Variants in CDHR3 observed in about 807,000 individuals in gnomAD.
The protein encoded by CDHR3 is cadherin-related family member 3.
In CDHR3, 79 loss-of-function variants were observed where a neutral mutation model predicts 86.6. The observed-to-expected ratio is 0.91, with a 90% confidence interval of 0.76 to 1.10. CDHR3 has a LOEUF of 1.10. Among genes scored for constraint, CDHR3 ranks in the 50% least tolerant of loss-of-function variants. The pLI, the probability that CDHR3 is intolerant of heterozygous loss-of-function variation, is 0.00. For synonymous variants in CDHR3, 421 were observed against 402.4 expected (o/e 1.05, Z -0.55); for missense variants, 1,081 against 1,077.6 (o/e 1.00, Z -0.04).
At chr7:106,019,024 T>G (rs985732597) in intron 12 of CDHR3, among the ~76,000 whole-genome samples, 1 of 152,140 alleles carries the variant, frequency 6.6e-6, no homozygotes, top group Non-Finnish European at 1.5e-5. Context: ...AAGGGCAACA[T>G]GATAGCCACA....
At chr7:106,001,697 G>A in intron 7 of CDHR3, 87 bp downstream of exon 7, 1 of 1,545,028 alleles carries the variant, frequency 6.5e-7, no homozygotes. Flanking sequence ...CGTTACCCAT[G>A]AGAATTGGTT....
intron 4 of CDHR3, among the ~76,000 whole-genome samples, chr7:105,988,594 T>C (rs1362543378): frequency 6.6e-6 from 1 of 152,238 alleles, no homozygotes; most frequent in African/African-American, 2.4e-5. Flanking sequence ...AAAGTGAAAC[T>C]GTATCACAGT....
chr7:106,028,182 G>T (rs73195672), intron 16 of CDHR3, among the ~76,000 whole-genome samples: 2,276 of 130,560 alleles, frequency 0.017, 64 homozygotes, highest in African/African-American at 0.057. Flanking sequence ...TAAAATAAAA[G>T]GGCTTGGGAA....
chr7:106,010,575 A>G (rs1454155590), intron 8 of CDHR3, among the ~76,000 whole-genome samples: 3 of 152,230 alleles, frequency 2.0e-5, no homozygotes, highest in African/African-American at 7.2e-5. Flanking sequence ...TGTTATCCTC[A>G]GTGGCCCATG....
At chr7:105,989,375 G>C (rs374064773) in intron 4 of CDHR3, among the ~76,000 whole-genome samples, 8 of 151,758 alleles carry the variant, frequency 5.3e-5, no homozygotes, top group African/African-American at 1.9e-4. Context: ...CAATCTCTCA[G>C]CTGGAGGCAA....
At chr7:105,964,446 C>G (rs543479286) in intron 1 of CDHR3, among the ~76,000 whole-genome samples, 3 of 152,066 alleles carry the variant, frequency 2.0e-5, no homozygotes, top group South Asian at 4.2e-4. Context: ...ATGTCTATAG[C>G]TCCTATTTTT....
chr7:105,979,573 C>T (rs990264149), intron 2 of CDHR3, among the ~76,000 whole-genome samples: 3 of 152,174 alleles, frequency 2.0e-5, no homozygotes, highest in Admixed American at 2.0e-4. Context: ...CTTGACCTAG[C>T]TTTTTAATAC....
intron 4 of CDHR3, among the ~76,000 whole-genome samples, chr7:105,987,364 C>G (rs1455227607): frequency 6.6e-6 from 1 of 152,148 alleles, no homozygotes; most frequent in Non-Finnish European, 1.5e-5. Flanking sequence ...TACAGAAAGT[C>G]AACAGCCAGC....
intron 1 of CDHR3, among the ~76,000 whole-genome samples, chr7:105,968,659 C>T (rs1019770937): frequency 2.6e-5 from 4 of 152,006 alleles, no homozygotes; most frequent in East Asian, 1.9e-4. Flanking sequence ...TGTGCCTGGC[C>T]GAGCATATGC....
chr7:105,967,255 T>C (rs1585462825), intron 1 of CDHR3, among the ~76,000 whole-genome samples: 1 of 152,340 alleles, frequency 6.6e-6, no homozygotes, highest in East Asian at 1.9e-4. Flanking sequence ...GGTTTCCAGC[T>C]TCATCCATGT....
At chr7:105,970,785 C>T (rs1314143866) in intron 1 of CDHR3, among the ~76,000 whole-genome samples, 1 of 152,152 alleles carries the variant, frequency 6.6e-6, no homozygotes, top group Non-Finnish European at 1.5e-5. Context: ...GCTATTATTA[C>T]TACTACTACT....
At position 106,032,690 on chromosome 7, in the gene CDHR3, G is replaced by A. The variant is rs1370572891; in HGVS notation, c.2651G>A (p.Gly884Glu). Residue 884 changes from glycine (G) to glutamate (E), a missense_variant, in exon 19 of 19, where the codon GGA (glycine) becomes GAA (glutamate). Transcript: ENST00000317716. The stretch of plus-strand genomic sequence containing the variant: ...AGGGCTTACCCCAAACCACACCCAG[G>A]AAAGTAAACGGGGTCTAAGGAGGGG... ...MNRAYPKPHP[G>E]K 11 of 1,609,694 alleles carry A rather than the reference G, an allele frequency of 6.8e-6. No individual in the cohort carries two copies. Among genetic ancestry groups the A allele is most frequent in the African/African-American group, 1.3e-5 (1 of 74,822 alleles).
At chr7:105,965,664 G>A (rs1826812364) in intron 1 of CDHR3, among the ~76,000 whole-genome samples, 1 of 147,372 alleles carries the variant, frequency 6.8e-6, no homozygotes, top group South Asian at 2.2e-4. Context: ...TGGACTGCCT[G>A]CAAAGAGTTC....
At chr7:105,969,397 CAAA>C (rs760242300) in intron 1 of CDHR3, among the ~76,000 whole-genome samples, 1 of 79,810 alleles carries the variant, frequency 1.3e-5, no homozygotes, top group Non-Finnish European at 2.2e-5. Context: ...GACTCCGTCT[CAAA>C]AAAAAAAAAA....
chr7:106,018,981 A>G (rs1836106824), intron 12 of CDHR3, among the ~76,000 whole-genome samples: 1 of 152,092 alleles, frequency 6.6e-6, no homozygotes, highest in South Asian at 2.1e-4. Context: ...CAGGGACCTA[A>G]TAGGTCCATG....
At chr7:106,007,497 T>C (rs906140450) in intron 8 of CDHR3, among the ~76,000 whole-genome samples, 3 of 152,346 alleles carry the variant, frequency 2.0e-5, no homozygotes, top group African/African-American at 4.8e-5. Context: ...AAATTTCTTC[T>C]ACCAGATACT....
In CDHR3 at chr7:106,004,584, G is replaced by T; in HGVS notation, c.949G>T (p.Val317Leu). The T allele has an allele frequency of 6.2e-7, 1 of 1,614,022 alleles. No homozygotes were observed. Among genetic ancestry groups the T allele is most frequent in the Non-Finnish European group, 8.5e-7 (1 of 1,179,894 alleles). The change falls in exon 8 of 19, where the codon GTG (valine) becomes TTG (leucine). Residue 317 changes from valine to leucine, a missense_variant. Transcript: ENST00000317716. ...QNPTISLEVLVKDRPYGGQEN... is the reference protein window; with the variant it reads ...QNPTISLEVLLKDRPYGGQEN... ...TCCCACCATTTCCCTGGAAGTTCTAGTGAAGGACAGACCATATGGGGGTCA... is the reference window on the plus strand; with the variant it reads ...TCCCACCATTTCCCTGGAAGTTCTATTGAAGGACAGACCATATGGGGGTCA...
chr7:106,031,202 C>T (rs1295807911), intron 18 of CDHR3, among the ~76,000 whole-genome samples: 1 of 151,802 alleles, frequency 6.6e-6, no homozygotes, highest in Non-Finnish European at 1.5e-5. Flanking sequence ...TACTGATTGC[C>T]CCCCCCAGCC....
intron 4 of CDHR3, among the ~76,000 whole-genome samples, chr7:105,990,826 C>T (rs1487588411): frequency 2.0e-5 from 3 of 152,190 alleles, no homozygotes; most frequent in African/African-American, 4.8e-5. Flanking sequence ...GCGTTCCCCT[C>T]GTACCCCAGG....
Sources: gnomAD v4.1 joint callset for allele counts (sites outside exome capture counted in the v4.1 genomes callset) on GRCh38, gnomAD v4.1.1 for gene constraint, MANE v1.5 for transcripts, NCBI Gene and HGNC (gene_info 2026-07-23, HGNC 2026-07-21) for gene names.